PLA2G15: variants seen among roughly 807,000 people sequenced by gnomAD.
The protein encoded by PLA2G15 is phospholipase A2 group XV, also known as lysosomal phospholipase A and acyltransferase.
Under a neutral mutation model 40.9 loss-of-function variants are expected in PLA2G15, and 20 were observed. The ratio of observed to expected loss-of-function variants is 0.49; its 90% CI spans 0.34 to 0.71. The LOEUF (loss-of-function observed/expected upper bound fraction) is 0.71, where lower values mean the gene tolerates loss of function less well. PLA2G15 is among the 30% of genes least tolerant of loss of function. PLA2G15 has a pLI of 0.01. For missense variants in PLA2G15, 471 were observed against 541.9 expected (o/e 0.87, Z 1.30); for synonymous variants, 223 against 228.2 (o/e 0.98, Z 0.21).
Position 68,253,232 on chromosome 16 carries a change from ACCTACCTGGGG to A in PLA2G15, c.285-1684_285-1674del, listed in dbSNP as rs201652787. On this transcript the variant is annotated intron_variant, in intron 2 of 5. Transcript: ENST00000219345. ...CGCAGAGGAAGCGGGACCCAATTATACCTACCTGGGGCCACACAAGGCCTTCCTCCTGTCTC... is the reference window on the plus strand; with the variant it reads ...CGCAGAGGAAGCGGGACCCAATTATACCACACAAGGCCTTCCTCCTGTCTC... Among the ~76,000 whole-genome samples, 135 of 152,052 alleles carry A rather than the reference ACCTACCTGGGG, an allele frequency of 8.9e-4. No individual in the cohort carries two copies. The East Asian group carries it at 0.024, about 27-fold the overall frequency.
chr16:68,257,190 T>A (rs1444967725), intron 5 of PLA2G15, among the ~76,000 whole-genome samples: 1 of 151,988 alleles, frequency 6.6e-6, no homozygotes, highest in Non-Finnish European at 1.5e-5. Context: ...CCCGGCCAGA[T>A]TTTTTTGTAT....
Position 68,245,500 on chromosome 16 carries a change from TGCTGCTCGCGGACCCA to T in PLA2G15, c.77_92del (p.Leu26ArgfsTer47), listed in dbSNP as rs1264317777. 6.2e-7 allele frequency: 1 copy of T among 1,604,874 alleles called. No individual in the cohort carries two copies. The highest frequency in any genetic ancestry group is 8.5e-7 in the Non-Finnish European group (1 of 1,179,046). On this transcript the variant is annotated frameshift_variant, in exon 1 of 6. Transcript: ENST00000219345. LOFTEE classifies it high-confidence loss of function. ...CTCCTGTTCCTCTTGCTGCTGCTAA[TGCTGCTCGCGGACCCA>T]GCGCTCCCGGCCGGACGTCACCCCC... is the stretch of plus-strand genomic sequence containing the variant.
chr16:68,254,347 A>ATTTATTTT (rs1401184796), intron 2 of PLA2G15: 2 of 146,078 alleles, frequency 1.4e-5, no homozygotes, highest in African/African-American at 5.3e-5. Context: ...TTATTTATTT[A>ATTTATTTT]TTTATTTTTT....
chr16:68,255,041 T>C lies in PLA2G15; in HGVS notation c.403+4T>C. 6.3e-7 allele frequency: 1 copy of C among 1,590,866 alleles called. No individual in the cohort carries two copies. The highest frequency in any genetic ancestry group is 8.6e-7 in the Non-Finnish European group (1 of 1,158,944). On this transcript the variant is annotated splice_donor_region_variant and intron_variant, in intron 3 of 5. Transcript: ENST00000219345. The surrounding 1 kb of genome is among the most constrained non-coding windows in gnomAD (Gnocchi z 5.9). Reference sequence around the variant, plus strand: ...GACCCCAGCAAAAGCAGCGTGGGTATGTAGCCCTTACTCAAGGCCTCCGGG... The same window carrying C: ...GACCCCAGCAAAAGCAGCGTGGGTACGTAGCCCTTACTCAAGGCCTCCGGG...
chr16:68,259,078 G>C lies in PLA2G15; in HGVS notation c.728-68G>C. ...CTGGCTGGGGTCTGGCAGGGGCCTGGTGGTGAACATGCTGCCCAACCAGCT... is the reference window on the plus strand; with the variant it reads ...CTGGCTGGGGTCTGGCAGGGGCCTGCTGGTGAACATGCTGCCCAACCAGCT... On this transcript the variant is annotated intron_variant, in intron 5 of 5. Transcript: ENST00000219345. The surrounding 1 kb of genome is among the most constrained non-coding windows in gnomAD (Gnocchi z 6.5). The C allele has an allele frequency of 2.1e-6, 3 of 1,419,200 alleles. No individual in the cohort carries two copies. Among genetic ancestry groups the C allele is most frequent in the Non-Finnish European group, 2.9e-6 (3 of 1,035,344 alleles). 87.9% of individuals were successfully genotyped at this position (1,419,200 alleles called of 1,614,324 possible). A position where few individuals can be genotyped will look rare whatever the true frequency, so the allele number is the denominator to read the frequency against.
Position 68,259,230 on chromosome 16 carries a change from CCTACAA to C in PLA2G15, c.818_823del (p.Asn273_Tyr274del). 2 of 1,613,858 alleles carry C rather than the reference CCTACAA, an allele frequency of 1.2e-6. No individual in the cohort carries two copies. Among genetic ancestry groups the C allele is most frequent in the Non-Finnish European group, 1.7e-6 (2 of 1,180,002 alleles). ...GCTGTCTCCACCAGCTGGCTGCTGC[CCTACAA>C]CTACACATGGTCACCTGAGAAGGTG... On this transcript the variant is annotated inframe_deletion, in exon 6 of 6. Coordinates refer to ENST00000219345, the MANE Select transcript of PLA2G15 (RefSeq NM_012320.4). The surrounding 1 kb of genome is among the most constrained non-coding windows in gnomAD (Gnocchi z 6.5).
At chr16:68,246,585 G>T (rs2042311201) in intron 1 of PLA2G15, among the ~76,000 whole-genome samples, 1 of 152,206 alleles carries the variant, frequency 6.6e-6, no homozygotes, top group Admixed American at 6.5e-5. Flanking sequence ...AGCTCCAGGG[G>T]GATACTAGGC....
At chr16:68,245,703 C>T (rs1390166849) in intron 1 of PLA2G15, 150 bp downstream of exon 1, 3 of 937,372 alleles carry the variant, frequency 3.2e-6, no homozygotes, top group East Asian at 2.6e-5. Context: ...TCTGCCGGCT[C>T]ACCTCCCGCC....
intron 1 of PLA2G15, chr16:68,248,676 T>G (rs970208622): frequency 1.0e-6 from 1 of 991,192 alleles, no homozygotes; most frequent in Non-Finnish European, 1.2e-6. Context: ...CATGAGCCCC[T>G]GCGCCCTGCC....
chr16:68,246,914 G>GGTT (rs2042314239), intron 1 of PLA2G15, among the ~76,000 whole-genome samples: 2 of 152,278 alleles, frequency 1.3e-5, no homozygotes, highest in South Asian at 4.2e-4. Context: ...GGGAGTCCTG[G>GGTT]GTTGGCCTGC....
chr16:68,252,016 A>C (rs2042358991), intron 2 of PLA2G15, among the ~76,000 whole-genome samples: 1 of 151,758 alleles, frequency 6.6e-6, no homozygotes. Flanking sequence ...GTGCATTTCT[A>C]TTTTTATACT....
chr16:68,251,456 C>T (rs2042354275), intron 2 of PLA2G15, among the ~76,000 whole-genome samples: 1 of 151,890 alleles, frequency 6.6e-6, no homozygotes. Context: ...CTGAGGTGGA[C>T]AGATCATGAG....
chr16:68,249,049 T>C (rs537273038), intron 1 of PLA2G15, among the ~76,000 whole-genome samples: 1 of 152,314 alleles, frequency 6.6e-6, no homozygotes, highest in Non-Finnish European at 1.5e-5. Context: ...CCCACAGGCA[T>C]CTCTGCACCA....
rs113078301 is a variant in PLA2G15 at position 68,246,321 on chromosome 16, C to T, written c.127+768C>T. 3.3e-3 allele frequency among the ~76,000 whole-genome samples: 506 copies of T among 152,320 alleles called. 5 individuals carry two copies. The highest frequency in any genetic ancestry group is 0.011 in the African/African-American group (474 of 41,566). ...TTGCAGGGATGGGCAGGGATGAGAC[C>T]TCTGTCTGGGGGGCCTTGGGTGCCT... On this transcript the variant is annotated intron_variant, in intron 1 of 5. Transcript: ENST00000219345.
intron 2 of PLA2G15, 120 bp downstream of exon 2, chr16:68,249,566 CGGTCT>C (rs909762293): frequency 4.0e-5 from 37 of 935,020 alleles, no homozygotes; most frequent in Non-Finnish European, 5.6e-5. Flanking sequence ...CCCAGGTCCT[CGGTCT>C]GGTCTGGTCT....
At chr16:68,253,500 G>A (rs997402134) in intron 2 of PLA2G15, 4 of 427,666 alleles carry the variant, frequency 9.4e-6, no homozygotes, top group Admixed American at 2.5e-5. Context: ...CTCAGACTCC[G>A]GATAACTGGG....
In PLA2G15 at chr16:68,255,341, G is replaced by A; in HGVS notation, c.463G>A (p.Asp155Asn). 6.2e-7 allele frequency: 1 copy of A among 1,613,716 alleles called. No individual in the cohort carries two copies. The highest frequency in any genetic ancestry group is 8.5e-7 in the Non-Finnish European group (1 of 1,179,802). Reference protein sequence around the residue: ...LVGWGYTRGEDVRGAPYDWRR... With the variant: ...LVGWGYTRGENVRGAPYDWRR... ...GGGCTGGGGCTACACACGGGGTGAGGATGTCCGAGGGGCTCCCTATGACTG... is the reference window on the plus strand; with the variant it reads ...GGGCTGGGGCTACACACGGGGTGAGAATGTCCGAGGGGCTCCCTATGACTG... Residue 155 changes from aspartate (D) to asparagine (N), a missense_variant, in exon 4 of 6, where the codon GAT (aspartate) becomes AAT (asparagine). Coordinates refer to ENST00000219345, the MANE Select transcript of PLA2G15 (RefSeq NM_012320.4). This position sits in a 1 kb window ranked among gnomAD's most constrained non-coding sequence, Gnocchi z 5.9.
intron 1 of PLA2G15, 37 bp downstream of exon 1, chr16:68,245,590 G>A (rs1394274092): frequency 6.5e-7 from 1 of 1,548,030 alleles, no homozygotes; most frequent in South Asian, 1.2e-5. Flanking sequence ...TGTCGGTCGG[G>A]CGGGACGGGC....
chr16:68,259,858 C>T lies in PLA2G15; in HGVS notation c.*201C>T. The T allele has an allele frequency of 1.3e-5, 8 of 605,634 alleles. No individual in the cohort carries two copies. Among genetic ancestry groups the T allele is most frequent in the Middle Eastern group, 4.4e-4 (1 of 2,276 alleles). The allele number at this position is 605,634 out of a possible 1,614,324, so 37.5% of individuals were successfully genotyped here. ...AAGAAGGAAGAAATGAGAGTCTAGA[C>T]TCAAGGGACACTGGATGGCAAGAAT... On this transcript the variant is annotated 3_prime_UTR_variant, in exon 6 of 6. Transcript: ENST00000219345. This position sits in a 1 kb window ranked among gnomAD's most constrained non-coding sequence, Gnocchi z 6.5.
Sources: allele counts gnomAD v4.1 joint callset (sites outside exome capture counted in the v4.1 genomes callset), GRCh38; gene constraint gnomAD v4.1.1; non-coding constraint Gnocchi (gnomAD v3.1); transcripts MANE v1.5; gene names NCBI Gene and HGNC (gene_info 2026-07-23, HGNC 2026-07-21).